Variants in SYN3 observed in about 807,000 individuals in gnomAD.
SYN3 encodes the protein synapsin III.
A neutral mutation model predicts 65.8 loss-of-function variants in SYN3; 35 were observed. The observed-to-expected ratio is 0.53, with a 90% CI of 0.41 to 0.70. SYN3 has a LOEUF of 0.70. Ranked by LOEUF, SYN3 falls within the 30% of genes least tolerant of loss-of-function variation. The pLI is 0.00. For missense variants in SYN3, 680 were observed against 749.0 expected (o/e 0.91, Z 1.08); for synonymous variants, 270 against 292.9 (o/e 0.92, Z 0.80).
chr22:33,055,472 G>T (rs183651391), intron 1 of SYN3, among the ~76,000 whole-genome samples: 1 of 152,300 alleles, frequency 6.6e-6, no homozygotes, highest in East Asian at 1.9e-4. Context: ...TACTTTGGGA[G>T]ACCTTCCCTG....
chr22:32,950,248 T>C (rs241759), intron 3 of SYN3, among the ~76,000 whole-genome samples: 92,399 of 151,974 alleles, frequency 0.61, 28,283 homozygotes, highest in East Asian at 0.78. Context: ...CTCCTAATGC[T>C]AGAACAACTT....
chr22:32,640,642 G>A (rs1472308628), intron 6 of SYN3, among the ~76,000 whole-genome samples: 1 of 152,070 alleles, frequency 6.6e-6, no homozygotes, highest in African/African-American at 2.4e-5. Flanking sequence ...CGAGGTGGGC[G>A]GGTCACAAGG....
intron 2 of SYN3, among the ~76,000 whole-genome samples, chr22:32,989,957 C>T (rs2052647412): frequency 6.6e-6 from 1 of 151,920 alleles, no homozygotes; most frequent in Non-Finnish European, 1.5e-5. Flanking sequence ...CTTCATACCA[C>T]AGAAAGGGTT....
At position 32,604,550 on chromosome 22, in the gene SYN3, C is replaced by T. The variant is rs1053146930; in HGVS notation, c.712-7814G>A. Among the ~76,000 whole-genome samples, 195 of 110,192 alleles carry T rather than the reference C, an allele frequency of 1.8e-3. 5 individuals carry two copies. The highest frequency in any genetic ancestry group is 4.4e-4 in the Non-Finnish European group (24 of 53,980). 72.3% of individuals were successfully genotyped at this position (110,192 alleles called of 152,430 possible). The stretch of plus-strand genomic sequence containing the variant: ...ATGTCTCCGCTGAGATACCCTCCCT[C>T]ACACTCTTTTCTAGGCCAGTCCCGT... On this transcript the variant is annotated intron_variant, in intron 6 of 13. Coordinates refer to ENST00000358763, the MANE Select transcript of SYN3 (RefSeq NM_003490.4).
At chr22:32,875,900 T>G (rs1182622060) in intron 4 of SYN3, among the ~76,000 whole-genome samples, 1 of 152,202 alleles carries the variant, frequency 6.6e-6, no homozygotes, top group African/African-American at 2.4e-5. Context: ...TGCTTTGTTA[T>G]AGCAGCCTCA....
chr22:32,779,460 G>A (rs770038000), intron 6 of SYN3, among the ~76,000 whole-genome samples: 3 of 151,088 alleles, frequency 2.0e-5, no homozygotes, highest in Non-Finnish European at 4.4e-5. Context: ...ATTCTGTCTC[G>A]AAAAACAAAA....
At chr22:32,710,717 A>C (rs2060952348) in intron 6 of SYN3, among the ~76,000 whole-genome samples, 1 of 151,610 alleles carries the variant, frequency 6.6e-6, no homozygotes, top group South Asian at 2.1e-4. Flanking sequence ...GCCATGTGAG[A>C]CATCTGGCTT....
chr22:32,890,538 G>T (rs762368356), intron 4 of SYN3, among the ~76,000 whole-genome samples: 2 of 152,012 alleles, frequency 1.3e-5, no homozygotes, highest in Non-Finnish European at 2.9e-5. Context: ...ATGCCACCAC[G>T]CCTGGCTAAG....
At chr22:32,882,974 C>T (rs2049183894) in intron 4 of SYN3, among the ~76,000 whole-genome samples, 1 of 152,144 alleles carries the variant, frequency 6.6e-6, no homozygotes, top group East Asian at 1.9e-4. Flanking sequence ...GACTGTGTCA[C>T]ATCCTAGCAG....
intron 4 of SYN3, among the ~76,000 whole-genome samples, chr22:32,912,382 A>C (rs1020946649): frequency 1.4e-5 from 2 of 146,338 alleles, no homozygotes; most frequent in African/African-American, 4.9e-5. Context: ...AGAGCTGAGA[A>C]AAATGTGGCT....
At chr22:32,639,829 G>C (rs896507661) in intron 6 of SYN3, among the ~76,000 whole-genome samples, 5 of 152,224 alleles carry the variant, frequency 3.3e-5, no homozygotes, top group Admixed American at 2.6e-4. Context: ...TTACAGGTGT[G>C]AGCCACCATG....
intron 6 of SYN3, among the ~76,000 whole-genome samples, chr22:32,728,578 G>A (rs545988471): frequency 5.3e-5 from 8 of 152,212 alleles, no homozygotes; most frequent in East Asian, 1.9e-4. Flanking sequence ...ATCAGACACC[G>A]AAAGAGACTT....
At chr22:32,807,356 A>ATT (rs1569239637) in intron 6 of SYN3, among the ~76,000 whole-genome samples, 16 of 4,116 alleles carry the variant, frequency 3.9e-3, no homozygotes, top group South Asian at 0.022. Flanking sequence ...TAAATATATA[A>ATT]TATATAATAT....
At chr22:32,677,509 A>T (rs1318474603) in intron 6 of SYN3, among the ~76,000 whole-genome samples, 1 of 152,166 alleles carries the variant, frequency 6.6e-6, no homozygotes, top group Non-Finnish European at 1.5e-5. Context: ...TCAAAATGAC[A>T]CAAGATTGAC....
chr22:32,893,945 G>A (rs1209493435), intron 4 of SYN3, among the ~76,000 whole-genome samples: 1 of 152,132 alleles, frequency 6.6e-6, no homozygotes, highest in African/African-American at 2.4e-5. Flanking sequence ...CAAGAGCACA[G>A]ATGATGGTAC....
chr22:32,517,211 C>A (rs1021348688), intron 13 of SYN3, among the ~76,000 whole-genome samples: 1 of 152,222 alleles, frequency 6.6e-6, no homozygotes, highest in East Asian at 1.9e-4. Context: ...CTTGCTTTGA[C>A]TAAAAGCGTG....
In SYN3 at chr22:32,887,005, C is replaced by T. The variant is rs117732376; in HGVS notation, c.462-17880G>A. Among the ~76,000 whole-genome samples, 898 of 151,944 alleles carry T rather than the reference C, an allele frequency of 5.9e-3. 6 individuals are homozygous for T. The highest frequency in any genetic ancestry group is 8.2e-3 in the Non-Finnish European group (555 of 67,994). ...GGGTTGGCACCCCATGATAATGCTA[C>T]GTCAGATAAGTCTCAGTCTTGCTCC... On this transcript the variant is annotated intron_variant, in intron 4 of 13. Transcript: ENST00000358763.
intron 6 of SYN3, among the ~76,000 whole-genome samples, chr22:32,839,178 T>C (rs778959964): frequency 1.3e-5 from 2 of 151,984 alleles, no homozygotes; most frequent in African/African-American, 2.4e-5. Context: ...GTTTGAGGTA[T>C]GGTCCCAGCT....
intron 7 of SYN3, among the ~76,000 whole-genome samples, chr22:32,552,220 C>T (rs571002568): frequency 2.6e-5 from 4 of 151,862 alleles, no homozygotes; most frequent in South Asian, 2.1e-4. Flanking sequence ...CACTCCAGCC[C>T]GGGTGACAGA....
Sources: allele counts gnomAD v4.1 joint callset (sites outside exome capture counted in the v4.1 genomes callset), GRCh38; gene constraint gnomAD v4.1.1; transcripts MANE v1.5; gene names NCBI Gene and HGNC (gene_info 2026-07-23, HGNC 2026-07-21).